Variants in ROCK2 observed in about 807,000 individuals in gnomAD.
The protein encoded by ROCK2 is rho-associated protein kinase 2.
A neutral mutation model predicts 195.1 loss-of-function variants in ROCK2; 61 were observed. The observed-to-expected ratio is 0.31, with a 90% CI of 0.25 to 0.39. ROCK2 has a LOEUF of 0.39. Ranked by LOEUF, ROCK2 falls within the 10% of genes least tolerant of loss-of-function variation. The pLI, the probability that ROCK2 is intolerant of heterozygous loss-of-function variation, is 1.00. For missense variants in ROCK2, 1,109 were observed against 1,637.4 expected (o/e 0.68, Z 5.57); for synonymous variants, 504 against 545.5 (o/e 0.92, Z 1.06).
At chr2:11,249,918 A>G (rs1006774627) in intron 3 of ROCK2, 120 bp from the exon 4 acceptor site, 37 of 732,516 alleles carry the variant, frequency 5.1e-5, no homozygotes, top group Non-Finnish European at 5.8e-5. Context: ...CTTAGCTAAT[A>G]AAAAGTAAAA....
At chr2:11,195,878 T>C (rs1238075233) in intron 27 of ROCK2, among the ~76,000 whole-genome samples, 1 of 152,208 alleles carries the variant, frequency 6.6e-6, no homozygotes, top group Non-Finnish European at 1.5e-5. Context: ...GATTTCTAAA[T>C]TCCAAAATAT....
chr2:11,194,153 C>A, intron 29 of ROCK2, 103 bp downstream of exon 29: 1 of 500,182 alleles, frequency 2.0e-6, no homozygotes, highest in East Asian at 3.3e-5. Context: ...GAAAATGTAA[C>A]AATATTACAG....
intron 4 of ROCK2, among the ~76,000 whole-genome samples, chr2:11,242,798 C>G (rs776594221): frequency 6.6e-6 from 1 of 152,126 alleles, no homozygotes; most frequent in African/African-American, 2.4e-5. Flanking sequence ...TTTCTCACTG[C>G]GCCTGCACAC....
At chr2:11,280,907 G>C (rs944708833) in intron 3 of ROCK2, among the ~76,000 whole-genome samples, 17 of 151,982 alleles carry the variant, frequency 1.1e-4, no homozygotes, top group African/African-American at 3.6e-4. Context: ...ATCATTCTAC[G>C]AGGTCAGCAA....
chr2:11,272,472 T>C (rs189306894), intron 3 of ROCK2, among the ~76,000 whole-genome samples: 1 of 152,170 alleles, frequency 6.6e-6, no homozygotes, highest in African/African-American at 2.4e-5. Flanking sequence ...ACCCATTTTG[T>C]TCTATATAAA....
chr2:11,273,928 C>CAAAAA (rs34951428), intron 3 of ROCK2, among the ~76,000 whole-genome samples: 2 of 108,010 alleles, frequency 1.9e-5, no homozygotes, highest in Non-Finnish European at 3.6e-5. Flanking sequence ...GACTCCATCT[C>CAAAAA]AAAAAAAAAA....
rs143973958 is a variant in ROCK2 at position 11,315,469 on chromosome 2, T to TA, written c.142-27734dup. ...TTAATTAAATTATGAATAAAACTAG[T>TA]AAAAAAAAACAGTAAATTATCTGAG... On this transcript the variant is annotated intron_variant, in intron 1 of 32. Transcript: ENST00000315872. Among the ~76,000 whole-genome samples the TA allele has an allele frequency of 4.1e-3, 624 of 150,992 alleles. 1 individual carries two copies. Among genetic ancestry groups the TA allele is most frequent in the African/African-American group, 7.7e-3 (316 of 41,198 alleles).
At chr2:11,335,148 CAG>C (rs1553320966) in intron 1 of ROCK2, among the ~76,000 whole-genome samples, 15 of 145,350 alleles carry the variant, frequency 1.0e-4, no homozygotes, top group East Asian at 4.0e-4. Context: ...CACACACACA[CAG>C]ACACACACAC....
intron 1 of ROCK2, among the ~76,000 whole-genome samples, chr2:11,300,115 G>A (rs1487896407): frequency 6.6e-6 from 1 of 151,978 alleles, no homozygotes; most frequent in African/African-American, 2.4e-5. Context: ...ATAACTAATA[G>A]GTAAATCTAC....
chr2:11,271,113 G>A (rs543173151), intron 3 of ROCK2, among the ~76,000 whole-genome samples: 29 of 152,208 alleles, frequency 1.9e-4, no homozygotes, highest in African/African-American at 6.7e-4. Context: ...TGGCTAGTGT[G>A]GGCTGGAGTT....
rs567819560 is a variant in ROCK2, at chr2:11,322,942, C to T, written c.141+21054G>A. Among the ~76,000 whole-genome samples, 12 of 152,240 alleles carry T rather than the reference C, an allele frequency of 7.9e-5. No individual in the cohort carries two copies. The South Asian group carries it at 1.5e-3, about 18-fold the overall frequency. ...TTATCTCCAGTAAGTATAGATCATA[C>T]AGTGAAACGCTCTCTTCACTTGCAG... On this transcript the variant is annotated intron_variant, in intron 1 of 32. Transcript: ENST00000315872.
chr2:11,308,672 G>A lies in ROCK2; in HGVS notation c.142-20936C>T, dbSNP rs539100736. ...GGCTTCAAGAAAAGAAGATACATAT[G>A]TTCATTTTAATGTGGACATTGAGCT... On this transcript the variant is annotated intron_variant, in intron 1 of 32. Transcript: ENST00000315872. 1.9e-4 allele frequency: 279 copies of A among 1,498,156 alleles called. No individual in the cohort carries two copies. In the African/African-American group the frequency reaches 2.9e-3, roughly 16 times the overall value. 92.8% of individuals were successfully genotyped at this position (1,498,156 alleles called of 1,614,324 possible). A position where few individuals can be genotyped will look rare whatever the true frequency, so the allele number is the denominator to read the frequency against.
At chr2:11,321,576 T>C (rs1348035408) in intron 1 of ROCK2, among the ~76,000 whole-genome samples, 1 of 151,678 alleles carries the variant, frequency 6.6e-6, no homozygotes, top group Admixed American at 6.6e-5. Context: ...TTAAAGACAG[T>C]GGAGCAATGT....
intron 3 of ROCK2, among the ~76,000 whole-genome samples, chr2:11,270,883 T>C (rs923694012): frequency 1.3e-5 from 2 of 152,230 alleles, no homozygotes; most frequent in African/African-American, 2.4e-5. Context: ...CCTTTTAGTA[T>C]GCTTTGTAAT....
rs1667402870 is a variant in ROCK2, at chr2:11,292,867, G to A, written c.142-5131C>T. The stretch of plus-strand genomic sequence containing the variant: ...GGGAGGTGATTGGATCACAGGGTAA[G>A]ACTTTTCCCTGTTGTCATGATAGTG... On this transcript the variant is annotated intron_variant, in intron 1 of 32. Coordinates refer to ENST00000315872, the MANE Select transcript of ROCK2 (RefSeq NM_004850.5). Among the ~76,000 whole-genome samples the A allele has an allele frequency of 2.0e-5, 3 of 152,168 alleles. No homozygotes were observed. The East Asian group carries it at 5.8e-4, about 29-fold the overall frequency.
intron 1 of ROCK2, among the ~76,000 whole-genome samples, chr2:11,334,460 G>A (rs929361279): frequency 2.1e-5 from 3 of 141,858 alleles, no homozygotes; most frequent in African/African-American, 7.8e-5. Flanking sequence ...GCGGTGAGCC[G>A]AGATTGTGCC....
At chr2:11,337,566 T>C (rs771602144) in intron 1 of ROCK2, among the ~76,000 whole-genome samples, 82 of 152,050 alleles carry the variant, frequency 5.4e-4, no homozygotes, top group Non-Finnish European at 6.6e-4. Flanking sequence ...GTGGAGCAAC[T>C]GGAACTCTCA....
chr2:11,224,293 T>A (rs1187895763), intron 7 of ROCK2, 29 bp downstream of exon 7: 4 of 1,570,086 alleles, frequency 2.5e-6, no homozygotes, highest in Non-Finnish European at 2.6e-6. Flanking sequence ...ATAAAGGGCT[T>A]CTCTACAAAG....
intron 17 of ROCK2, among the ~76,000 whole-genome samples, chr2:11,212,726 T>C (rs533500909): frequency 8.6e-5 from 13 of 151,440 alleles, no homozygotes; most frequent in African/African-American, 3.2e-4. Context: ...AACCACATAA[T>C]CCACCAACAG....
Sources: allele counts gnomAD v4.1 joint callset (sites outside exome capture counted in the v4.1 genomes callset), GRCh38; gene constraint gnomAD v4.1.1; transcripts MANE v1.5; gene names NCBI Gene and HGNC (gene_info 2026-07-23, HGNC 2026-07-21).